Variants in PCDH9 observed in about 807,000 individuals in gnomAD.
The protein encoded by PCDH9 is protocadherin 9, also known as protocadherin-9.
A neutral mutation model predicts 70.6 loss-of-function variants in PCDH9; 24 were observed. That is an observed-to-expected ratio of 0.34 (90% confidence interval 0.25 to 0.48). The LOEUF is 0.48. PCDH9 is among the 20% of genes least tolerant of loss of function. The pLI is 0.99. For missense variants in PCDH9, 1,281 were observed against 1,503.6 expected (o/e 0.85, Z 2.45); for synonymous variants, 562 against 558.5 (o/e 1.01, Z -0.09).
intron 2 of PCDH9, among the ~76,000 whole-genome samples, chr13:66,975,116 T>C (rs1453745254): frequency 6.6e-6 from 1 of 152,052 alleles, no homozygotes; most frequent in Non-Finnish European, 1.5e-5. Context: ...ACTAGCATGA[T>C]AAATGCCTAG....
chr13:66,533,501 A>G lies in PCDH9; in HGVS notation c.3340+97709T>C, dbSNP rs1960560468. Among the ~76,000 whole-genome samples the G allele has an allele frequency of 1.3e-5, 2 of 152,096 alleles. 1 individual carries two copies. Among genetic ancestry groups the G allele is most frequent in the South Asian group, 4.2e-4 (2 of 4,812 alleles). On this transcript the variant is annotated intron_variant, in intron 4 of 4. Transcript: ENST00000377865. Reference sequence around the variant, plus strand: ...TTTAACTATTAGTTATTTTTAGAGGAAAATTTTAAAATAAAAATCATTGTT... The same window carrying G: ...TTTAACTATTAGTTATTTTTAGAGGGAAATTTTAAAATAAAAATCATTGTT...
At chr13:67,067,622 T>A (rs1361602245) in intron 2 of PCDH9, among the ~76,000 whole-genome samples, 1 of 151,716 alleles carries the variant, frequency 6.6e-6, no homozygotes, top group Non-Finnish European at 1.5e-5. Flanking sequence ...AAAAAGTTTT[T>A]AAAAAATCAC....
At chr13:66,919,985 A>G (rs10492593) in intron 2 of PCDH9, among the ~76,000 whole-genome samples, 19,686 of 150,850 alleles carry the variant, frequency 0.13, 1,443 homozygotes, top group African/African-American at 0.17. Flanking sequence ...CATTCTTGAA[A>G]TATATCCATG....
chr13:66,670,985 G>C (rs949652906), intron 3 of PCDH9, among the ~76,000 whole-genome samples: 7 of 149,858 alleles, frequency 4.7e-5, no homozygotes, highest in African/African-American at 1.7e-4. Flanking sequence ...ATCTCACTTT[G>C]AATTGTAGCT....
chr13:66,990,082 G>A (rs1381947396), intron 2 of PCDH9, among the ~76,000 whole-genome samples: 3 of 151,726 alleles, frequency 2.0e-5, no homozygotes, highest in Non-Finnish European at 4.4e-5. Flanking sequence ...GGGTTTCTTC[G>A]TTTTGTTTTT....
intron 3 of PCDH9, among the ~76,000 whole-genome samples, chr13:66,890,824 C>G (rs148647766): frequency 6.6e-6 from 1 of 152,056 alleles, no homozygotes; most frequent in Non-Finnish European, 1.5e-5. Flanking sequence ...ATTGCAGTAG[C>G]CTTGAATAAA....
chr13:66,880,807 G>A (rs535381930), intron 3 of PCDH9, among the ~76,000 whole-genome samples: 1 of 152,122 alleles, frequency 6.6e-6, no homozygotes, highest in Non-Finnish European at 1.5e-5. Context: ...CCTTTAACTT[G>A]TCATAATAAT....
At chr13:67,063,704 T>C (rs888172744) in intron 2 of PCDH9, among the ~76,000 whole-genome samples, 4 of 152,186 alleles carry the variant, frequency 2.6e-5, no homozygotes, top group African/African-American at 7.2e-5. Flanking sequence ...TTTTATACTT[T>C]ATATAACAAA....
intron 3 of PCDH9, among the ~76,000 whole-genome samples, chr13:66,678,145 T>G (rs12866875): frequency 6.6e-6 from 1 of 152,154 alleles, no homozygotes; most frequent in Non-Finnish European, 1.5e-5. Flanking sequence ...TACGTTACAG[T>G]TCTCATTTTC....
intron 3 of PCDH9, among the ~76,000 whole-genome samples, chr13:66,689,185 C>G (rs2078447702): frequency 6.6e-6 from 1 of 152,108 alleles, no homozygotes. Context: ...CCCCATTTCT[C>G]AGGGAATTTA....
In PCDH9 at chr13:66,998,976, A is replaced by C. The variant is rs80284325; in HGVS notation, c.3037-95371T>G. ...TGTTATCAACTGCAAATATAACCCA[A>C]GATAAACCATAAATTCCTTTGAAAT... On this transcript the variant is annotated intron_variant, in intron 2 of 4. Coordinates refer to ENST00000377865, the MANE Select transcript of PCDH9 (RefSeq NM_203487.3). Among the ~76,000 whole-genome samples the C allele has an allele frequency of 7.0e-3, 1,061 of 152,348 alleles. 10 individuals carry two copies. Among genetic ancestry groups the C allele is most frequent in the African/African-American group, 0.024 (1,004 of 41,566 alleles).
intron 4 of PCDH9, among the ~76,000 whole-genome samples, chr13:66,607,216 G>A (rs1421543686): frequency 6.6e-6 from 1 of 152,050 alleles, no homozygotes. Flanking sequence ...CATCAGCACT[G>A]TGACCTTGAA....
At chr13:66,469,110 T>G (rs974184616) in intron 4 of PCDH9, among the ~76,000 whole-genome samples, 1 of 152,134 alleles carries the variant, frequency 6.6e-6, no homozygotes, top group African/African-American at 2.4e-5. Context: ...ATATTTCTCA[T>G]ACAATTATCA....
chr13:67,215,293 A>T (rs916202403), intron 2 of PCDH9: 1 of 152,004 alleles, frequency 6.6e-6, no homozygotes, highest in African/African-American at 2.4e-5. Flanking sequence ...CACTGCATTA[A>T]TCACTATTCA....
intron 3 of PCDH9, among the ~76,000 whole-genome samples, chr13:66,636,345 C>T (rs186822070): frequency 6.6e-6 from 1 of 152,010 alleles, no homozygotes. Flanking sequence ...CTAAGGTATG[C>T]CAAACAATCT....
chr13:67,188,322 G>A lies in PCDH9; in HGVS notation c.3036+37083C>T, dbSNP rs190903539. ...CCCTGTCAATTTCTATCATCTAAACGTCCTAATCTTTATTGAATCTAAAAA... is the reference window on the plus strand; with the variant it reads ...CCCTGTCAATTTCTATCATCTAAACATCCTAATCTTTATTGAATCTAAAAA... On this transcript the variant is annotated intron_variant, in intron 2 of 4. Coordinates refer to ENST00000377865, the MANE Select transcript of PCDH9 (RefSeq NM_203487.3). 2.0e-3 allele frequency among the ~76,000 whole-genome samples: 306 copies of A among 152,098 alleles called. 1 individual carries two copies. Among genetic ancestry groups the A allele is most frequent in the African/African-American group, 7.0e-3 (292 of 41,512 alleles).
chr13:66,917,762 T>C (rs752747937), intron 2 of PCDH9, among the ~76,000 whole-genome samples: 2 of 151,532 alleles, frequency 1.3e-5, no homozygotes, highest in East Asian at 1.9e-4. Context: ...CTTATTAATA[T>C]AAACAGTTCT....
At chr13:66,414,284 G>A (rs1328106921) in intron 4 of PCDH9, among the ~76,000 whole-genome samples, 1 of 152,164 alleles carries the variant, frequency 6.6e-6, no homozygotes, top group Non-Finnish European at 1.5e-5. Context: ...TTGTGGAGAT[G>A]CTGACTTAAC....
At chr13:66,801,888 A>G (rs1417580723) in intron 3 of PCDH9, among the ~76,000 whole-genome samples, 2 of 152,060 alleles carry the variant, frequency 1.3e-5, no homozygotes, top group East Asian at 3.9e-4. Context: ...TCATTCTAAA[A>G]GTAGTTTAAA....
Sources: gnomAD v4.1 joint callset for allele counts (sites outside exome capture counted in the v4.1 genomes callset) on GRCh38, gnomAD v4.1.1 for gene constraint, MANE v1.5 for transcripts, NCBI Gene and HGNC (gene_info 2026-07-23, HGNC 2026-07-21) for gene names.